OSGEP: variants seen among roughly 807,000 people sequenced by gnomAD.
The protein encoded by OSGEP is tRNA N6-adenosine threonylcarbamoyltransferase.
OSGEP carries 39 observed loss-of-function variants against 44.1 expected under a neutral mutation model. The observed-to-expected ratio is 0.88, with a 90% CI of 0.69 to 1.16. The LOEUF (loss-of-function observed/expected upper bound fraction) is 1.16, where lower values mean the gene tolerates loss of function less well. Ranked by LOEUF, OSGEP falls within the 50% of genes most tolerant of loss-of-function variation. The probability of loss-of-function intolerance (pLI) is 0.00; values close to 1 mark genes in which losing one functional copy is unlikely to be tolerated. For missense variants in OSGEP, 403 were observed against 443.1 expected (o/e 0.91, Z 0.81); for synonymous variants, 139 against 161.9 (o/e 0.86, Z 1.07).
chr14:20,447,445 G>A lies in OSGEP; in HGVS notation c.945C>T (p.Leu315=), dbSNP rs746161286. Residue 315 remains leucine, a synonymous_variant, in exon 10 of 11, where the codon CTC becomes CTT. Coordinates refer to ENST00000206542, the MANE Select transcript of OSGEP (RefSeq NM_017807.4). ...ACCTCTGTGTAACCCCAGAATCACTGAGTGGGGTCCTGTGTCCAGCCCGAA... is the reference window on the plus strand; with the variant it reads ...ACCTCTGTGTAACCCCAGAATCACTAAGTGGGGTCCTGTGTCCAGCCCGAA... ...EMFRAGHRTP[L]SDSGVTQRYR... The A allele has an allele frequency of 2.5e-6, 4 of 1,613,736 alleles. No individual in the cohort carries two copies. The highest frequency in any genetic ancestry group is 2.2e-5 in the South Asian group (2 of 91,076).
chr14:20,453,892 A>G (rs1881180339), intron 1 of OSGEP, among the ~76,000 whole-genome samples: 1 of 151,886 alleles, frequency 6.6e-6, no homozygotes, highest in Non-Finnish European at 1.5e-5. Context: ...GGTGGCGCAC[A>G]CCTATAGTCC....
chr14:20,451,867 AT>A, intron 3 of OSGEP, 106 bp downstream of exon 3: 1 of 1,063,386 alleles, frequency 9.4e-7, no homozygotes, highest in Non-Finnish European at 1.3e-6. Flanking sequence ...TTAGGTTCAG[AT>A]AAGTCCATCT....
rs142954107 is a variant in OSGEP at position 20,447,164 on chromosome 14, A to G, written c.*76T>C. On this transcript the variant is annotated 3_prime_UTR_variant, in exon 11 of 11. Coordinates refer to ENST00000206542, the MANE Select transcript of OSGEP (RefSeq NM_017807.4). The stretch of plus-strand genomic sequence containing the variant: ...ATAGCTTTGCTAGGACTCCCATGAC[A>G]TCAGGATAGAGATTGAGGCACGGGG... The G allele has an allele frequency of 6.3e-6, 8 of 1,259,904 alleles. No homozygotes were observed. The East Asian group carries it at 1.4e-4, about 22-fold the overall frequency. 78.0% of individuals were successfully genotyped at this position (1,259,904 alleles called of 1,614,324 possible). A position where few individuals can be genotyped will look rare whatever the true frequency, so the allele number is the denominator to read the frequency against.
chr14:20,453,370 C>CA (rs534867681), intron 1 of OSGEP, among the ~76,000 whole-genome samples: 1 of 102,658 alleles, frequency 9.7e-6, no homozygotes, highest in African/African-American at 3.1e-5. Flanking sequence ...GTGTTTTGTA[C>CA]TTTTTTTTTT....
chr14:20,454,769 C>A lies in OSGEP; in HGVS notation c.-86G>T. 3 of 964,954 alleles carry A rather than the reference C, an allele frequency of 3.1e-6. No homozygotes were observed. In the Middle Eastern group the frequency reaches 7.7e-4, roughly 246 times the overall value. The allele number at this position is 964,954 out of a possible 1,614,324, so 59.8% of individuals were successfully genotyped here. A position where few individuals can be genotyped will look rare whatever the true frequency, so the allele number is the denominator to read the frequency against. On this transcript the variant is annotated 5_prime_UTR_variant, in exon 1 of 11. Coordinates refer to ENST00000206542, the MANE Select transcript of OSGEP (RefSeq NM_017807.4). Reference sequence around the variant, plus strand: ...CTCACTAGTCCGCGCTGGGCCGCAGCTTTCCGGAGCGCAGAGGAAGCTGGC... The same window carrying A: ...CTCACTAGTCCGCGCTGGGCCGCAGATTTCCGGAGCGCAGAGGAAGCTGGC...
chr14:20,453,953 A>T (rs1243168717), intron 1 of OSGEP, among the ~76,000 whole-genome samples: 1 of 152,130 alleles, frequency 6.6e-6, no homozygotes, highest in Non-Finnish European at 1.5e-5. Context: ...TGGAAGGCAG[A>T]GATTGCAGTG....
In OSGEP at chr14:20,448,726, C is replaced by A; in HGVS notation, c.636+7G>T. ...AAAGTGCCCGTCTCATCACCTCTCA[C>A]ACTCACCTCAATGAAAGACAGGATC... On this transcript the variant is annotated splice_region_variant and intron_variant, in intron 6 of 10. Coordinates refer to ENST00000206542, the MANE Select transcript of OSGEP (RefSeq NM_017807.4). The A allele has an allele frequency of 6.2e-7, 1 of 1,602,672 alleles. No homozygotes were observed. Among genetic ancestry groups the A allele is most frequent in the South Asian group, 1.1e-5 (1 of 90,830 alleles).
rs756377408 is a variant in OSGEP at position 20,454,555 on chromosome 14, C to G, written c.115+14G>C. 5.1e-6 allele frequency: 8 copies of G among 1,579,986 alleles called. No individual in the cohort carries two copies. In the African/African-American group the frequency reaches 1.1e-4, roughly 21 times the overall value. Reference sequence around the variant, plus strand: ...GAAGTGCGCGGAAAACTCTTAAGTCCCCTACTCACCAACCTGTGCCAGGAG... The same window carrying G: ...GAAGTGCGCGGAAAACTCTTAAGTCGCCTACTCACCAACCTGTGCCAGGAG... On this transcript the variant is annotated intron_variant, in intron 1 of 10. Transcript: ENST00000206542.
intron 3 of OSGEP, chr14:20,451,698 T>A: frequency 3.2e-6 from 1 of 311,330 alleles, no homozygotes; most frequent in Non-Finnish European, 5.8e-6. Flanking sequence ...AAGATTTCAA[T>A]CCTTTTCAAT....
Position 20,448,339 on chromosome 14 carries a change from T to C in OSGEP, c.637-168A>G, listed in dbSNP as rs550498140. ...GGCATCATGGCATAGAATGAGCAGC[T>C]TTCATTTAAGATGCAATCATTACTT... is the stretch of plus-strand genomic sequence containing the variant. On this transcript the variant is annotated intron_variant, in intron 6 of 10. Coordinates refer to ENST00000206542, the MANE Select transcript of OSGEP (RefSeq NM_017807.4). Among the ~76,000 whole-genome samples, 8 of 152,332 alleles carry C rather than the reference T, an allele frequency of 5.3e-5. No homozygotes were observed. In the South Asian group the frequency reaches 1.7e-3, roughly 32 times the overall value.
At position 20,454,789 on chromosome 14, in the gene OSGEP, G is replaced by C. The variant is rs1158811681; in HGVS notation, c.-106C>G. The C allele has an allele frequency of 6.2e-6, 5 of 804,116 alleles. No homozygotes were observed. Among genetic ancestry groups the C allele is most frequent in the South Asian group, 3.2e-5 (2 of 62,476 alleles). The allele number at this position is 804,116 out of a possible 1,614,324, so 49.8% of individuals were successfully genotyped here. A position where few individuals can be genotyped will look rare whatever the true frequency, so the allele number is the denominator to read the frequency against. ...CGCAGCTTTCCGGAGCGCAGAGGAAGCTGGCCAGCCTGCAGATAGCACTGG... is the reference window on the plus strand; with the variant it reads ...CGCAGCTTTCCGGAGCGCAGAGGAACCTGGCCAGCCTGCAGATAGCACTGG... On this transcript the variant is annotated 5_prime_UTR_variant, in exon 1 of 11. Transcript: ENST00000206542.
intron 1 of OSGEP, among the ~76,000 whole-genome samples, 154 bp from the exon 2 acceptor site, chr14:20,452,602 C>T (rs1881131048): frequency 6.6e-6 from 1 of 152,184 alleles, no homozygotes; most frequent in Admixed American, 6.5e-5. Flanking sequence ...TCTACTCTTT[C>T]CGGCTTCTAT....
Position 20,452,201 on chromosome 14 carries a change from A to AG in OSGEP, c.236-53dup, listed in dbSNP as rs3215948. 0.59 allele frequency: 932,948 copies of AG among 1,580,296 alleles called. 277,682 individuals are homozygous for AG. The highest frequency in any genetic ancestry group is 0.64 in the Middle Eastern group (3,488 of 5,490). ...ATCCTAGAGATTGGAAAAAAACAAT[A>AG]GTGGGGGACATAAGGGATGTGAGGT... On this transcript the variant is annotated intron_variant, in intron 2 of 10. Coordinates refer to ENST00000206542, the MANE Select transcript of OSGEP (RefSeq NM_017807.4).
At chr14:20,454,521 C>T in intron 1 of OSGEP, 48 bp downstream of exon 1, 5 of 1,246,206 alleles carry the variant, frequency 4.0e-6, no homozygotes, top group Non-Finnish European at 5.9e-6. Context: ...AAGGCTGATT[C>T]TGTGCGGGGA....
rs1370273961 is a variant in OSGEP at position 20,447,699 on chromosome 14, A to C, written c.794-9T>G. The C allele has an allele frequency of 2.5e-6, 4 of 1,610,036 alleles. No homozygotes were observed. The highest frequency in any genetic ancestry group is 3.4e-6 in the Non-Finnish European group (4 of 1,176,438). ...CTGTAGCCTCACATTACCTACAAAG[A>C]GGCAGGGAACAGGATTAGCTTAGTT... On this transcript the variant is annotated splice_polypyrimidine_tract_variant and intron_variant, in intron 8 of 10. Coordinates refer to ENST00000206542, the MANE Select transcript of OSGEP (RefSeq NM_017807.4).
At chr14:20,448,030 G>C (rs1302180727) in intron 7 of OSGEP, 36 bp from the exon 8 acceptor site, 11 of 1,587,644 alleles carry the variant, frequency 6.9e-6, no homozygotes, top group African/African-American at 2.7e-5. Flanking sequence ...TATTAGAGGG[G>C]CATCCCAGAT....
In OSGEP at chr14:20,447,538, T is replaced by C. The variant is rs1446204803; in HGVS notation, c.870-18A>G. The C allele has an allele frequency of 1.2e-6, 2 of 1,612,004 alleles. No homozygotes were observed. Among genetic ancestry groups the C allele is most frequent in the Admixed American group, 3.3e-5 (2 of 59,988 alleles). ...TACAGAATCTGGGATGCAAGAGAGA[T>C]GAAAATTGGGATCTAAGGGTGGAAA... On this transcript the variant is annotated intron_variant, in intron 9 of 10. Transcript: ENST00000206542.
chr14:20,452,153 G>C lies in OSGEP; in HGVS notation c.236-4C>G, dbSNP rs763349935. On this transcript the variant is annotated splice_region_variant and splice_polypyrimidine_tract_variant and intron_variant, in intron 2 of 10. Coordinates refer to ENST00000206542, the MANE Select transcript of OSGEP (RefSeq NM_017807.4). ...AGTGGGGCACCCATGCCAGGGCCTA[G>C]GGAGATAGAAATGGAAGTTATAATC... The C allele has an allele frequency of 3.1e-6, 5 of 1,603,860 alleles. No individual in the cohort carries two copies. Among genetic ancestry groups the C allele is most frequent in the Non-Finnish European group, 4.3e-6 (5 of 1,174,774 alleles).
Position 20,452,316 on chromosome 14 carries a change from C to T in OSGEP, c.235+13G>A. On this transcript the variant is annotated intron_variant, in intron 2 of 10. Transcript: ENST00000206542. Reference sequence around the variant, plus strand: ...GTATATTCCTCCATCGTTGACCACTCTCCCAGCCATACCCTTGGTGTATGC... The same window carrying T: ...GTATATTCCTCCATCGTTGACCACTTTCCCAGCCATACCCTTGGTGTATGC... 6.2e-7 allele frequency: 1 copy of T among 1,613,178 alleles called. No individual in the cohort carries two copies. Among genetic ancestry groups the T allele is most frequent in the African/African-American group, 1.3e-5 (1 of 75,036 alleles).
Sources: gnomAD v4.1 joint callset for allele counts (sites outside exome capture counted in the v4.1 genomes callset) on GRCh38, gnomAD v4.1.1 for gene constraint, MANE v1.5 for transcripts, NCBI Gene and HGNC (gene_info 2026-07-23, HGNC 2026-07-21) for gene names.